The following PTPRD variants were observed in gnomAD, a reference collection of about 807,000 sequenced individuals.
PTPRD encodes the protein protein tyrosine phosphatase receptor type D.
In PTPRD, 34 loss-of-function variants were observed where a neutral mutation model predicts 214.5. That is an observed-to-expected ratio of 0.16 (90% CI 0.12 to 0.21). PTPRD has a LOEUF of 0.21. Ranked by LOEUF, PTPRD falls within the 10% of genes least tolerant of loss-of-function variation. The probability of loss-of-function intolerance (pLI) is 1.00; values close to 1 mark genes in which losing one functional copy is unlikely to be tolerated. For synonymous variants in PTPRD, 1,128 were observed against 845.7 expected, an observed-to-expected ratio of 1.33 and a Z score of -5.79; for missense variants, 2,545 against 2,398.7, an observed-to-expected ratio of 1.06 and a Z score of -1.27.
At chr9:9,113,046 C>A (rs956186659) in intron 10 of PTPRD, among the ~76,000 whole-genome samples, 1 of 151,584 alleles carries the variant, frequency 6.6e-6, no homozygotes, top group East Asian at 1.9e-4. Flanking sequence ...CTCACTGCAG[C>A]CTCAAACACC....
intron 9 of PTPRD, among the ~76,000 whole-genome samples, chr9:9,344,279 A>T (rs186910508): frequency 1.3e-5 from 2 of 152,124 alleles, no homozygotes; most frequent in East Asian, 3.9e-4. Context: ...TTGCACAGTG[A>T]GAACACATGG....
intron 4 of PTPRD, among the ~76,000 whole-genome samples, chr9:10,032,406 A>G (rs1231979721): frequency 6.6e-6 from 1 of 152,174 alleles, no homozygotes; most frequent in Non-Finnish European, 1.5e-5. Flanking sequence ...GAGATATTCT[A>G]TGGGACACAA....
intron 12 of PTPRD, among the ~76,000 whole-genome samples, chr9:8,719,108 T>C (rs1471607024): frequency 6.6e-6 from 1 of 152,178 alleles, no homozygotes; most frequent in East Asian, 1.9e-4. Context: ...AATGTAATAC[T>C]TTCCAGCACT....
chr9:8,404,657 T>A lies in PTPRD; in HGVS notation c.4090A>T (p.Ile1364Phe). The A allele has an allele frequency of 6.2e-7, 1 of 1,609,236 alleles. No individual in the cohort carries two copies. The highest frequency in any genetic ancestry group is 8.5e-7 in the Non-Finnish European group (1 of 1,176,432). Residue 1364 changes from isoleucine (I) to phenylalanine (F), a missense_variant, in exon 36 of 46, where the codon ATT (isoleucine) becomes TTT (phenylalanine). Physicochemically the swap from Ile to Phe is conservative, Grantham distance 21. Coordinates refer to ENST00000381196, the MANE Select transcript of PTPRD (RefSeq NM_002839.4). ...CAAGTGAACTGCTGGCCAGGGTCAA[T>A]TGACTTTAAAAGGAAAACAACACAT... ...NLKFSQEYES[I>F]DPGQQFTWEH...
intron 3 of PTPRD, among the ~76,000 whole-genome samples, chr9:10,254,106 G>A (rs78794720): frequency 0.026 from 3,973 of 152,198 alleles, 163 homozygotes; most frequent in East Asian, 0.2. Flanking sequence ...CATACTGTCC[G>A]CAGAGAACAA....
chr9:8,744,303 T>C (rs920894737), intron 11 of PTPRD, among the ~76,000 whole-genome samples: 1 of 152,112 alleles, frequency 6.6e-6, no homozygotes, highest in African/African-American at 2.4e-5. Context: ...ACTAAGTATC[T>C]ACCTAGAAGA....
intron 11 of PTPRD, among the ~76,000 whole-genome samples, chr9:8,934,894 T>C (rs757992930): frequency 6.6e-6 from 1 of 152,114 alleles, no homozygotes; most frequent in Non-Finnish European, 1.5e-5. Flanking sequence ...TTATTTCACT[T>C]AGCATAATGT....
intron 3 of PTPRD, among the ~76,000 whole-genome samples, chr9:10,268,032 G>C (rs1401852222): frequency 6.6e-6 from 1 of 151,326 alleles, no homozygotes; most frequent in Admixed American, 6.6e-5. Context: ...TATAATCCCA[G>C]TACTTTGGGA....
chr9:9,420,240 G>A (rs1242608355), intron 8 of PTPRD, among the ~76,000 whole-genome samples: 1 of 151,756 alleles, frequency 6.6e-6, no homozygotes, highest in African/African-American at 2.4e-5. Flanking sequence ...CTAATATTCT[G>A]TAGTGGATCT....
chr9:10,481,572 T>C (rs1446891795), intron 2 of PTPRD, among the ~76,000 whole-genome samples: 2 of 152,132 alleles, frequency 1.3e-5, no homozygotes, highest in African/African-American at 4.8e-5. Flanking sequence ...CTTAGCCTCA[T>C]GAGAAAGAAG....
chr9:10,164,856 C>T (rs1027110568), intron 3 of PTPRD, among the ~76,000 whole-genome samples: 1 of 149,662 alleles, frequency 6.7e-6, no homozygotes, highest in Non-Finnish European at 1.5e-5. Context: ...ATGAGATATG[C>T]TGAGCTTGGA....
intron 8 of PTPRD, among the ~76,000 whole-genome samples, chr9:9,525,082 C>T (rs986096504): frequency 3.9e-5 from 6 of 152,176 alleles, no homozygotes; most frequent in African/African-American, 7.2e-5. Flanking sequence ...TGGTCTCGAT[C>T]TCTTGACCTC....
At chr9:8,739,002 C>A (rs1427128143) in intron 11 of PTPRD, among the ~76,000 whole-genome samples, 1 of 152,160 alleles carries the variant, frequency 6.6e-6, no homozygotes, top group Non-Finnish European at 1.5e-5. Flanking sequence ...TATCTACCTC[C>A]CAAACCAGGC....
At chr9:9,312,679 G>A (rs891739640) in intron 9 of PTPRD, among the ~76,000 whole-genome samples, 77 of 152,250 alleles carry the variant, frequency 5.1e-4, no homozygotes, top group East Asian at 1.9e-4. Context: ...GTTGTGCCCT[G>A]AGCTGCCAAG....
intron 8 of PTPRD, among the ~76,000 whole-genome samples, chr9:9,464,033 A>C (rs1397940749): frequency 2.6e-5 from 4 of 152,178 alleles, no homozygotes; most frequent in Non-Finnish European, 5.9e-5. Flanking sequence ...TTTCTCAAAC[A>C]TGGTTACATT....
intron 2 of PTPRD, among the ~76,000 whole-genome samples, chr9:10,402,277 T>G (rs1050695001): frequency 6.6e-6 from 1 of 151,674 alleles, no homozygotes; most frequent in Non-Finnish European, 1.5e-5. Context: ...ATTACAGAAC[T>G]GACAAAAATA....
At chr9:8,903,839 T>G (rs1379454289) in intron 11 of PTPRD, among the ~76,000 whole-genome samples, 1 of 146,636 alleles carries the variant, frequency 6.8e-6, no homozygotes, top group Non-Finnish European at 1.5e-5. Context: ...TTCATGGTAA[T>G]AATGGTTGAC....
intron 5 of PTPRD, among the ~76,000 whole-genome samples, chr9:9,782,350 C>T (rs1158055760): frequency 1.3e-5 from 2 of 152,056 alleles, no homozygotes; most frequent in African/African-American, 4.8e-5. Flanking sequence ...AATTCCTAAC[C>T]CCTTAAAGTT....
At chr9:8,615,961 A>G (rs1184668707) in intron 14 of PTPRD, among the ~76,000 whole-genome samples, 1 of 152,162 alleles carries the variant, frequency 6.6e-6, no homozygotes, top group African/African-American at 2.4e-5. Flanking sequence ...GGGGAAAATA[A>G]TCTTGATAAT....
Sources: gnomAD v4.1 joint callset for allele counts (sites outside exome capture counted in the v4.1 genomes callset) on GRCh38, gnomAD v4.1.1 for gene constraint, MANE v1.5 for transcripts, NCBI Gene and HGNC (gene_info 2026-07-23, HGNC 2026-07-21) for gene names.